ZNF713: variants seen among roughly 807,000 people sequenced by gnomAD.
ZNF713 encodes zinc finger protein 713.
Under a neutral mutation model 28.7 loss-of-function variants are expected in ZNF713, and 21 were observed. The observed-to-expected ratio is 0.73, with a 90% confidence interval of 0.52 to 1.05. The LOEUF (loss-of-function observed/expected upper bound fraction) is 1.05. ZNF713 is among the 50% of genes least tolerant of loss of function. The pLI, the probability that ZNF713 is intolerant of heterozygous loss-of-function variation, is 0.00. For synonymous variants in ZNF713, 167 were observed against 178.0 expected, an observed-to-expected ratio of 0.94 and a Z score of 0.49; for missense variants, 458 against 532.4, an observed-to-expected ratio of 0.86 and a Z score of 1.37.
chr7:55,936,973 TC>T (rs1237291213), intron 6 of ZNF713, among the ~76,000 whole-genome samples: 1 of 152,074 alleles, frequency 6.6e-6, no homozygotes, highest in Non-Finnish European at 1.5e-5. Context: ...CTCCACACAG[TC>T]CCTAATCCCT....
At chr7:55,932,367 A>C (rs532641569) in intron 6 of ZNF713, among the ~76,000 whole-genome samples, 4 of 92,142 alleles carry the variant, frequency 4.3e-5, no homozygotes, top group African/African-American at 1.4e-4. Context: ...CGTCTCTACC[A>C]AAAAAAAAAA....
chr7:55,905,696 C>T (rs1487412520), intron 1 of ZNF713, among the ~76,000 whole-genome samples: 3 of 152,132 alleles, frequency 2.0e-5, no homozygotes, highest in Non-Finnish European at 4.4e-5. Context: ...CCATTATCTT[C>T]ACGTTCCTGG....
At chr7:55,909,155 C>T (rs532636820) in intron 2 of ZNF713, among the ~76,000 whole-genome samples, 26 of 146,488 alleles carry the variant, frequency 1.8e-4, no homozygotes, top group African/African-American at 5.9e-4. Context: ...GCCGAGATCA[C>T]GCCACTGCAC....
At chr7:55,922,937 C>G (rs1335198645) in intron 4 of ZNF713, among the ~76,000 whole-genome samples, 2 of 152,142 alleles carry the variant, frequency 1.3e-5, no homozygotes, top group African/African-American at 4.8e-5. Flanking sequence ...GTGCAGCAAA[C>G]TGTAAACACT....
At chr7:55,908,366 C>G (rs1785724531) in intron 2 of ZNF713, among the ~76,000 whole-genome samples, 1 of 152,118 alleles carries the variant, frequency 6.6e-6, no homozygotes, top group Non-Finnish European at 1.5e-5. Context: ...TGGTCTCGAA[C>G]TCCTGACCAC....
chr7:55,888,660 A>C (rs908421215), intron 1 of ZNF713, among the ~76,000 whole-genome samples: 1 of 152,090 alleles, frequency 6.6e-6, no homozygotes, highest in Non-Finnish European at 1.5e-5. Context: ...GATTACAGGC[A>C]TGAGCCACGG....
chr7:55,930,018 GCTC>G (rs1235930293), intron 6 of ZNF713, among the ~76,000 whole-genome samples: 1 of 151,932 alleles, frequency 6.6e-6, no homozygotes, highest in African/African-American at 2.4e-5. Flanking sequence ...ATTATAAAAT[GCTC>G]CTCTTAATAA....
At position 55,939,655 on chromosome 7, in the gene ZNF713, A is replaced by G. The variant is rs146661451; in HGVS notation, c.981A>G (p.Ser327=). The change falls in exon 7 of 7, where the codon TCA becomes TCG. Residue 327 remains serine, a synonymous_variant. Transcript: ENST00000429591. ...GTGGGAAAGCCTTCCGTCAGCATTC[A>G]TCCTTTACTCAACATCTGAGGATTC... ...NGCGKAFRQH[S]SFTQHLRIHT... 33 of 1,614,224 alleles carry G rather than the reference A, an allele frequency of 2.0e-5. No homozygotes were observed. The highest frequency in any genetic ancestry group is 2.8e-5 in the Non-Finnish European group (33 of 1,180,032).
chr7:55,923,599 G>A lies in ZNF713; in HGVS notation c.215-8G>A, dbSNP rs2174460. 1,223,638 of 1,585,140 alleles carry A rather than the reference G, an allele frequency of 0.77. 474,692 individuals are homozygous for A. The highest frequency in any genetic ancestry group is 0.96 in the East Asian group (41,769 of 43,726). ...AACTCCTAAGATGTATGTTACTCCT[G>A]TGAATAGGGTATCAGCTTTGTAAGC... On this transcript the variant is annotated splice_region_variant and splice_polypyrimidine_tract_variant and intron_variant, in intron 5 of 6. Transcript: ENST00000429591.
chr7:55,919,505 T>TTTTGTTTTTTTTTTTG (rs1562743552), intron 4 of ZNF713, among the ~76,000 whole-genome samples: 2 of 59,378 alleles, frequency 3.4e-5, no homozygotes, highest in Non-Finnish European at 6.1e-5. Context: ...TTTTTTTTTT[T>TTTTGTTTTTTTTTTTG]TTTTTTTTTT....
chr7:55,893,009 A>G (rs1446171248), intron 1 of ZNF713, among the ~76,000 whole-genome samples: 1 of 150,750 alleles, frequency 6.6e-6, no homozygotes. Context: ...CAGCCTCCCG[A>G]GTAGCTGGGA....
At chr7:55,919,090 T>C (rs1770916711) in intron 4 of ZNF713, among the ~76,000 whole-genome samples, 1 of 152,120 alleles carries the variant, frequency 6.6e-6, no homozygotes, top group South Asian at 2.1e-4. Flanking sequence ...AAGTGCCAAC[T>C]GGCAGTTTCT....
chr7:55,937,260 C>G (rs1367048833), intron 6 of ZNF713, among the ~76,000 whole-genome samples: 1 of 152,026 alleles, frequency 6.6e-6, no homozygotes, highest in East Asian at 1.9e-4. Context: ...AAGAGCACGC[C>G]ACTGCACTCC....
intron 2 of ZNF713, among the ~76,000 whole-genome samples, chr7:55,911,404 A>G (rs1405690853): frequency 6.6e-6 from 1 of 152,220 alleles, no homozygotes; most frequent in Non-Finnish European, 1.5e-5. Flanking sequence ...ACTGAGGCTG[A>G]ATTTGTTGTT....
At chr7:55,922,014 C>G (rs1266146333) in intron 4 of ZNF713, among the ~76,000 whole-genome samples, 1 of 152,106 alleles carries the variant, frequency 6.6e-6, no homozygotes, top group Non-Finnish European at 1.5e-5. Context: ...CAACCTCCAC[C>G]TCCCGGGTTC....
intron 6 of ZNF713, among the ~76,000 whole-genome samples, chr7:55,925,379 T>C (rs1469630433): frequency 6.6e-5 from 10 of 152,172 alleles, no homozygotes; most frequent in African/African-American, 2.4e-4. Context: ...TCTCAACACT[T>C]TGGGAGGCCG....
chr7:55,903,974 G>A lies in ZNF713; in HGVS notation c.-582-2279G>A, dbSNP rs563583769. 1.1e-4 allele frequency among the ~76,000 whole-genome samples: 16 copies of A among 152,192 alleles called. No individual in the cohort carries two copies. In the South Asian group the frequency reaches 2.3e-3, roughly 22 times the overall value. ...TTTAAGTGTGGGACTGATATGATCA[G>A]GTTTTTGTCTTTTTAAGATCCCTGT... On this transcript the variant is annotated intron_variant, in intron 1 of 6. Transcript: ENST00000429591.
At chr7:55,913,449 C>T (rs1785825568) in intron 4 of ZNF713, among the ~76,000 whole-genome samples, 1 of 152,040 alleles carries the variant, frequency 6.6e-6, no homozygotes, top group South Asian at 2.1e-4. Context: ...GATGCACCCA[C>T]CTCAGCCTCC....
chr7:55,903,666 T>TAAAA lies in ZNF713; in HGVS notation c.-582-2578_-582-2575dup, dbSNP rs113130548. Among the ~76,000 whole-genome samples, 16 of 113,186 alleles carry TAAAA rather than the reference T, an allele frequency of 1.4e-4. 2 individuals carry two copies. Among genetic ancestry groups the TAAAA allele is most frequent in the African/African-American group, 3.9e-4 (11 of 28,030 alleles). The allele number at this position is 113,186 out of a possible 152,430, so 74.3% of individuals were successfully genotyped here. On this transcript the variant is annotated intron_variant, in intron 1 of 6. Transcript: ENST00000429591. ...TGGGCAACAGAGCCAGACTGTGTCTTAAAAAAAAAAAACAAAAAAAAACCT... is the reference window on the plus strand; with the variant it reads ...TGGGCAACAGAGCCAGACTGTGTCTTAAAAAAAAAAAAAAAACAAAAAAAAACCT...
Sources: gnomAD v4.1 joint callset for allele counts (sites outside exome capture counted in the v4.1 genomes callset) on GRCh38, gnomAD v4.1.1 for gene constraint, MANE v1.5 for transcripts, NCBI Gene and HGNC (gene_info 2026-07-23, HGNC 2026-07-21) for gene names.